The following NDE1 variants were observed in gnomAD, a reference collection of about 807,000 sequenced individuals.
NDE1 encodes the protein nuclear distribution protein nudE homolog 1.
A neutral mutation model predicts 43.4 loss-of-function variants in NDE1; 28 were observed. That is an observed-to-expected ratio of 0.65 (90% CI 0.48 to 0.89). NDE1 has a LOEUF of 0.89. Ranked by LOEUF, NDE1 falls within the 40% of genes least tolerant of loss-of-function variation. The pLI, the probability that NDE1 is intolerant of heterozygous loss-of-function variation, is 0.00. For missense variants in NDE1, 441 were observed against 434.1 expected (o/e 1.02, Z -0.14); for synonymous variants, 184 against 172.0 (o/e 1.07, Z -0.55).
chr16:15,722,619 G>A (rs1271793365), intron 8 of NDE1, among the ~76,000 whole-genome samples: 2 of 152,210 alleles, frequency 1.3e-5, no homozygotes, highest in African/African-American at 2.4e-5. Flanking sequence ...CAGCCCAGAG[G>A]AGAGGTAGCT....
intron 8 of NDE1, chr16:15,717,581 G>C: frequency 1.7e-6 from 1 of 594,262 alleles, no homozygotes; most frequent in Non-Finnish European, 3.0e-6. Flanking sequence ...AATCACTTGA[G>C]CTCAGGAGTT....
chr16:15,685,746 G>A (rs1184846755), intron 4 of NDE1, among the ~76,000 whole-genome samples: 7 of 152,084 alleles, frequency 4.6e-5, no homozygotes, highest in Middle Eastern at 3.2e-3. Context: ...ATCAAGTTCC[G>A]CAATGATACT....
intron 8 of NDE1, chr16:15,712,845 G>A (rs971089616): frequency 1.4e-5 from 2 of 147,086 alleles, no homozygotes; most frequent in Admixed American, 7.0e-5. Context: ...GAGAGTGATG[G>A]GTGGGGGCGA....
In NDE1 at chr16:15,720,027, C is replaced by A. The variant is rs1014405216; in HGVS notation, c.948-4164C>A. ...ATCCTGAATGGTTCCAGAAAAACCC[C>A]AGCTGAACCCACACCAATGGCAGGT... On this transcript the variant is annotated intron_variant, in intron 8 of 8. Coordinates refer to ENST00000396354, the MANE Select transcript of NDE1 (RefSeq NM_017668.3). The A allele has an allele frequency of 1.2e-5, 16 of 1,354,772 alleles. No homozygotes were observed. In the African/African-American group the frequency reaches 1.6e-4, roughly 13 times the overall value. The allele number at this position is 1,354,772 out of a possible 1,614,324, so 83.9% of individuals were successfully genotyped here. A position where few individuals can be genotyped will look rare whatever the true frequency, so the allele number is the denominator to read the frequency against.
At chr16:15,706,517 G>C (rs1468301871) in intron 8 of NDE1, among the ~76,000 whole-genome samples, 1 of 152,106 alleles carries the variant, frequency 6.6e-6, no homozygotes, top group Admixed American at 6.6e-5. Context: ...AGGCCATCCT[G>C]GCCAATATGG....
chr16:15,717,297 T>C lies in NDE1; in HGVS notation c.948-6894T>C, dbSNP rs1271608230. ...TCGAGCTGCTGCCGGGCACTCTCAT[T>C]CTTCTGGGCCGTGCTGCGCTCTGTG... On this transcript the variant is annotated intron_variant, in intron 8 of 8. Coordinates refer to ENST00000396354, the MANE Select transcript of NDE1 (RefSeq NM_017668.3). The C allele has an allele frequency of 1.9e-6, 3 of 1,612,896 alleles. No individual in the cohort carries two copies. The highest frequency in any genetic ancestry group is 2.7e-5 in the African/African-American group (2 of 74,916).
rs1667267778 is a variant in NDE1 at position 15,696,754 on chromosome 16, C to T, written c.841C>T (p.Gln281Ter). ...LASCRNLVYD[Q>*]SPNRTGGPAS... The stretch of plus-strand genomic sequence containing the variant: ...TTCCTGCCGGAACCTCGTGTACGAT[C>T]AGTCCCCAAACCGAACAGGTGGCCC... Residue 281 changes from glutamine to a stop codon, truncating the protein, a stop_gained, in exon 8 of 9, where the codon CAG becomes TAG. Coordinates refer to ENST00000396354, the MANE Select transcript of NDE1 (RefSeq NM_017668.3). LOFTEE classifies it high-confidence loss of function. 1 of 1,614,114 alleles carries T rather than the reference C, an allele frequency of 6.2e-7. No individual in the cohort carries two copies. The highest frequency in any genetic ancestry group is 8.5e-7 in the Non-Finnish European group (1 of 1,180,048).
In NDE1 at chr16:15,710,465, G is replaced by A. The variant is rs188509519; in HGVS notation, c.947+13605G>A. Among the ~76,000 whole-genome samples the A allele has an allele frequency of 1.8e-3, 267 of 152,250 alleles. 1 individual carries two copies. Among genetic ancestry groups the A allele is most frequent in the Non-Finnish European group, 3.0e-3 (207 of 68,022 alleles). On this transcript the variant is annotated intron_variant, in intron 8 of 8. Coordinates refer to ENST00000396354, the MANE Select transcript of NDE1 (RefSeq NM_017668.3). ...GAACCTGGGAGGCAAAGGTTGCAGT[G>A]AGCCGAGATCGCGCCACTGCACTCC... is the stretch of plus-strand genomic sequence containing the variant.
chr16:15,662,504 C>G (rs936207731), intron 1 of NDE1, among the ~76,000 whole-genome samples: 2 of 151,324 alleles, frequency 1.3e-5, no homozygotes, highest in African/African-American at 4.9e-5. Flanking sequence ...AGGATGGTCT[C>G]AATCTCCTGA....
rs1055807979 is a variant in NDE1 at position 15,683,143 on chromosome 16, A to C, written c.387-4232A>C. On this transcript the variant is annotated intron_variant, in intron 4 of 8. Coordinates refer to ENST00000396354, the MANE Select transcript of NDE1 (RefSeq NM_017668.3). ...ATTACAAGCATGAGCCACTGTGCCC[A>C]GCCAATTCCATGGACTTTTAAAGCA... 2.0e-4 allele frequency: 31 copies of C among 152,180 alleles called. 1 individual carries two copies. The highest frequency in any genetic ancestry group is 1.2e-3 in the Admixed American group (18 of 15,260). 9.4% of individuals were successfully genotyped at this position (152,180 alleles called of 1,614,324 possible).
intron 3 of NDE1, among the ~76,000 whole-genome samples, chr16:15,674,746 CTG>C (rs1228129234): frequency 1.3e-5 from 2 of 152,120 alleles, no homozygotes. Context: ...GGGTCTCACT[CTG>C]TTGCCCAGGT....
intron 8 of NDE1, chr16:15,721,158 C>A: frequency 7.8e-7 from 1 of 1,274,716 alleles, no homozygotes; most frequent in Non-Finnish European, 1.1e-6. Context: ...TGGCTTTGGC[C>A]TCCCACAGGA....
chr16:15,681,251 GCC>G (rs1211427765), intron 4 of NDE1, among the ~76,000 whole-genome samples: 2 of 33,258 alleles, frequency 6.0e-5, no homozygotes, highest in Non-Finnish European at 5.9e-5. Context: ...GTTAAACACT[GCC>G]TTTTTTTTTT....
chr16:15,709,978 G>A (rs966154469), intron 8 of NDE1, among the ~76,000 whole-genome samples: 1 of 152,126 alleles, frequency 6.6e-6, no homozygotes, highest in Non-Finnish European at 1.5e-5. Context: ...GGTGAAACTC[G>A]CACTACAGTT....
intron 7 of NDE1, chr16:15,695,593 T>A: frequency 1.0e-6 from 1 of 985,218 alleles, no homozygotes; most frequent in Non-Finnish European, 1.2e-6. Flanking sequence ...TGTGCTTAAG[T>A]AAAAACATAG....
intron 3 of NDE1, among the ~76,000 whole-genome samples, chr16:15,670,975 G>A (rs1266966872): frequency 2.6e-5 from 4 of 152,156 alleles, no homozygotes; most frequent in Non-Finnish European, 4.4e-5. Flanking sequence ...ACCACAGAGT[G>A]CAGCTGGCCG....
At chr16:15,651,892 A>G (rs929024370) in intron 1 of NDE1, 1 of 152,004 alleles carries the variant, frequency 6.6e-6, no homozygotes, top group Non-Finnish European at 1.5e-5. Context: ...TTGTTTCCAA[A>G]GTGTGTTATT....
At chr16:15,723,538 A>G (rs1430426450) in intron 8 of NDE1, among the ~76,000 whole-genome samples, 1 of 152,170 alleles carries the variant, frequency 6.6e-6, no homozygotes, top group Non-Finnish European at 1.5e-5. Flanking sequence ...TCCCGGCTAC[A>G]TGAAAGGCTG....
chr16:15,709,177 A>G (rs1273836925), intron 8 of NDE1, among the ~76,000 whole-genome samples: 3 of 152,090 alleles, frequency 2.0e-5, no homozygotes, highest in East Asian at 1.9e-4. Flanking sequence ...CCTGATGTCA[A>G]TGATCTTCCT....
Sources: allele counts gnomAD v4.1 joint callset (sites outside exome capture counted in the v4.1 genomes callset), GRCh38; gene constraint gnomAD v4.1.1; transcripts MANE v1.5; gene names NCBI Gene and HGNC (gene_info 2026-07-23, HGNC 2026-07-21).